Variants in LRRC74A observed in about 807,000 individuals in gnomAD.
The protein encoded by LRRC74A is leucine-rich repeat-containing protein 74A.
A neutral mutation model predicts 57.9 loss-of-function variants in LRRC74A; 44 were observed. The observed-to-expected ratio is 0.76, with a 90% CI of 0.60 to 0.98. The LOEUF is 0.98. LRRC74A is among the 50% of genes least tolerant of loss of function. The pLI, the probability that LRRC74A is intolerant of heterozygous loss-of-function variation, is 0.00. For missense variants in LRRC74A, 572 were observed against 574.0 expected, an observed-to-expected ratio of 1.00 and a Z score of 0.04; for synonymous variants, 211 against 219.4, an observed-to-expected ratio of 0.96 and a Z score of 0.34.
rs200364336 is a variant in LRRC74A, at chr14:76,867,413, G to C, written c.1366G>C (p.Glu456Gln). 5.7e-5 allele frequency: 92 copies of C among 1,600,340 alleles called. No individual in the cohort carries two copies. The highest frequency in any genetic ancestry group is 5.7e-5 in the Non-Finnish European group (67 of 1,168,716). ...QVREVIKKLD[E>Q]KTGMVNFSFL... Reference sequence around the variant, plus strand: ...CAGGGAGGTGATAAAGAAGCTCGATGAGAAGACAGGCATGGTGAACTTCAG... The same window carrying C: ...CAGGGAGGTGATAAAGAAGCTCGATCAGAAGACAGGCATGGTGAACTTCAG... The change falls in exon 13 of 14, where the codon GAG becomes CAG. Residue 456 changes from glutamate (E) to glutamine (Q), a missense_variant. Glu to Gln is a conservative substitution (Grantham distance 29). Coordinates refer to ENST00000689127, the MANE Select transcript of LRRC74A (RefSeq NM_001385106.1).
intron 9 of LRRC74A, among the ~76,000 whole-genome samples, chr14:76,855,700 G>A (rs1011449248): frequency 1.3e-5 from 2 of 152,128 alleles, no homozygotes; most frequent in Admixed American, 1.3e-4. Flanking sequence ...CGAGGTCCAG[G>A]CCCTAGTCTG....
intron 7 of LRRC74A, among the ~76,000 whole-genome samples, chr14:76,850,827 A>G (rs1897414279): frequency 6.8e-6 from 1 of 146,274 alleles, no homozygotes; most frequent in South Asian, 2.2e-4. Context: ...GAGATTGTCA[A>G]GGGCAAAACT....
chr14:76,847,245 A>T (rs1250574485), intron 7 of LRRC74A, among the ~76,000 whole-genome samples: 1 of 152,186 alleles, frequency 6.6e-6, no homozygotes, highest in South Asian at 2.1e-4. Context: ...TGGCTTTGAA[A>T]GTCCTATTTT....
At chr14:76,855,642 T>C (rs1335236244) in intron 9 of LRRC74A, among the ~76,000 whole-genome samples, 7 of 151,960 alleles carry the variant, frequency 4.6e-5, no homozygotes, top group Non-Finnish European at 1.0e-4. Context: ...AATAAGGAAT[T>C]CCCATTAGGA....
intron 7 of LRRC74A, among the ~76,000 whole-genome samples, chr14:76,850,036 G>A (rs983684821): frequency 1.3e-4 from 20 of 151,896 alleles, no homozygotes; most frequent in African/African-American, 3.6e-4. Context: ...GTGAAACCCC[G>A]TCTCTACTAA....
intron 2 of LRRC74A, among the ~76,000 whole-genome samples, 166 bp from the exon 3 acceptor site, chr14:76,831,037 A>G (rs1273709599): frequency 3.9e-5 from 6 of 152,206 alleles, no homozygotes; most frequent in Admixed American, 3.9e-4. Flanking sequence ...TCCCTCTCCC[A>G]CCATGGACTG....
chr14:76,834,666 C>T (rs1896194751), intron 3 of LRRC74A, among the ~76,000 whole-genome samples: 1 of 152,134 alleles, frequency 6.6e-6, no homozygotes, highest in Non-Finnish European at 1.5e-5. Context: ...CAGATAGTGA[C>T]AAATAGACAA....
chr14:76,832,171 G>A (rs960652929), intron 3 of LRRC74A, among the ~76,000 whole-genome samples: 2 of 152,204 alleles, frequency 1.3e-5, no homozygotes, highest in African/African-American at 4.8e-5. Context: ...AGGACCACCA[G>A]GTTCATATGC....
chr14:76,828,131 G>T (rs1184474379), intron 1 of LRRC74A, among the ~76,000 whole-genome samples, 160 bp from the exon 2 acceptor site: 2 of 152,208 alleles, frequency 1.3e-5, no homozygotes, highest in Non-Finnish European at 2.9e-5. Context: ...TATTGGGGAA[G>T]GGAGGTTTGT....
chr14:76,842,811 T>C (rs138788902), intron 5 of LRRC74A, among the ~76,000 whole-genome samples: 10 of 152,270 alleles, frequency 6.6e-5, no homozygotes, highest in African/African-American at 2.4e-4. Flanking sequence ...AAATCACCAG[T>C]GTCTTACATT....
At position 76,839,919 on chromosome 14, in the gene LRRC74A, C is replaced by CG. The variant is rs531428208; in HGVS notation, c.544+1952dup. Among the ~76,000 whole-genome samples the CG allele has an allele frequency of 2.0e-3, 305 of 152,040 alleles. 1 individual carries two copies. Among genetic ancestry groups the CG allele is most frequent in the African/African-American group, 7.2e-3 (300 of 41,478 alleles). ...CTAATTTTTGTATTTTTAGTAGACACGGGGTTTCACCATGTTGGCCAGGAT... is the reference window on the plus strand; with the variant it reads ...CTAATTTTTGTATTTTTAGTAGACACGGGGGTTTCACCATGTTGGCCAGGAT... On this transcript the variant is annotated intron_variant, in intron 5 of 13. Coordinates refer to ENST00000689127, the MANE Select transcript of LRRC74A (RefSeq NM_001385106.1).
chr14:76,863,185 A>AATGTGT (rs3220782), intron 11 of LRRC74A, among the ~76,000 whole-genome samples: 2 of 145,206 alleles, frequency 1.4e-5, no homozygotes, highest in Non-Finnish European at 3.0e-5. Context: ...CATGCATGTG[A>AATGTGT]GTGTGTGTGT....
intron 5 of LRRC74A, among the ~76,000 whole-genome samples, chr14:76,841,863 C>T (rs1896799560): frequency 6.6e-6 from 1 of 151,994 alleles, no homozygotes; most frequent in Non-Finnish European, 1.5e-5. Context: ...CAGGCATGTG[C>T]CACCACACCC....
At chr14:76,855,464 T>C (rs1897813361) in intron 9 of LRRC74A, among the ~76,000 whole-genome samples, 1 of 152,236 alleles carries the variant, frequency 6.6e-6, no homozygotes, top group Non-Finnish European at 1.5e-5. Flanking sequence ...ACAATGACCA[T>C]ATGTAATGAA....
rs1896999979 is a variant in LRRC74A, at chr14:76,844,618, A to C, written c.594+146A>C. 4.7e-6 allele frequency: 4 copies of C among 850,880 alleles called. No individual in the cohort carries two copies. In the Admixed American group the frequency reaches 8.8e-5, roughly 19 times the overall value. The allele number at this position is 850,880 out of a possible 1,614,324, so 52.7% of individuals were successfully genotyped here. A position where few individuals can be genotyped will look rare whatever the true frequency, so the allele number is the denominator to read the frequency against. On this transcript the variant is annotated intron_variant, in intron 6 of 13. Transcript: ENST00000689127. ...GTTTAGACCCTGCCAACCCCAACAA[A>C]GGCACAGCAAATGGTAGAGCTGTTT...
intron 11 of LRRC74A, among the ~76,000 whole-genome samples, chr14:76,865,683 T>A (rs1426692948): frequency 1.3e-5 from 2 of 152,202 alleles, no homozygotes; most frequent in East Asian, 1.9e-4. Flanking sequence ...AACTTTGGAA[T>A]GGAGGGAGCG....
intron 13 of LRRC74A, 132 bp from the exon 14 acceptor site, chr14:76,869,993 C>T (rs1899323499): frequency 6.9e-6 from 6 of 869,026 alleles, no homozygotes; most frequent in Admixed American, 2.1e-5. Flanking sequence ...TAATGGTTAA[C>T]AGCATGACCT....
At chr14:76,842,849 G>A (rs1404718088) in intron 5 of LRRC74A, among the ~76,000 whole-genome samples, 2 of 152,180 alleles carry the variant, frequency 1.3e-5, no homozygotes, top group African/African-American at 4.8e-5. Context: ...CTCAGGTAAG[G>A]TGAGTGAGCC....
intron 7 of LRRC74A, among the ~76,000 whole-genome samples, chr14:76,850,712 CA>C (rs1466352204): frequency 1.3e-5 from 2 of 151,754 alleles, no homozygotes; most frequent in South Asian, 4.2e-4. Flanking sequence ...ACTAAAAATA[CA>C]AAAAATTAGC....
Sources: gnomAD v4.1 joint callset for allele counts (sites outside exome capture counted in the v4.1 genomes callset) on GRCh38, gnomAD v4.1.1 for gene constraint, MANE v1.5 for transcripts, NCBI Gene and HGNC (gene_info 2026-07-23, HGNC 2026-07-21) for gene names.